The following CLDN14 variants were observed in gnomAD, a reference collection of about 807,000 sequenced individuals.
CLDN14 encodes claudin-14.
A neutral mutation model predicts 2.1 loss-of-function variants in CLDN14; 2 were observed. That is an observed-to-expected ratio of 0.96 (90% CI 0.39 to 3.01). CLDN14 has a LOEUF of 3.01. Among genes scored for constraint, CLDN14 ranks in the 30% most tolerant of loss-of-function variants. The pLI, the probability that CLDN14 is intolerant of heterozygous loss-of-function variation, is 0.09. For synonymous variants in CLDN14, 136 were observed against 154.4 expected, an observed-to-expected ratio of 0.88 and a Z score of 0.88; for missense variants, 298 against 328.0, an observed-to-expected ratio of 0.91 and a Z score of 0.71.
intron 1 of CLDN14, among the ~76,000 whole-genome samples, chr21:36,477,008 G>T (rs1013207720): frequency 2.6e-5 from 4 of 152,256 alleles, no homozygotes; most frequent in African/African-American, 9.6e-5. Context: ...TTGTGCATTT[G>T]CTCTGAAGAG....
chr21:36,469,198 A>T (rs2086681617), intron 1 of CLDN14, among the ~76,000 whole-genome samples: 1 of 152,272 alleles, frequency 6.6e-6, no homozygotes, highest in Admixed American at 6.5e-5. Flanking sequence ...ATATGTAAGA[A>T]TGATGAGAAA....
chr21:36,496,623 G>C (rs568392791), intron 2 of CLDN14, among the ~76,000 whole-genome samples: 1 of 144,816 alleles, frequency 6.9e-6, no homozygotes, highest in African/African-American at 2.6e-5. Context: ...GAGAGCGAAT[G>C]CTTGCAAATC....
chr21:36,484,865 G>A (rs142515371), upstream of CLDN14, among the ~76,000 whole-genome samples: 103 of 151,348 alleles, frequency 6.8e-4, no homozygotes, highest in Middle Eastern at 0.01. Flanking sequence ...GGCATGCACC[G>A]CCATGCCTGG....
intron 1 of CLDN14, among the ~76,000 whole-genome samples, chr21:36,575,642 C>T (rs142170491): frequency 2.0e-5 from 3 of 152,270 alleles, no homozygotes; most frequent in Non-Finnish European, 2.9e-5. Flanking sequence ...GTACAGTGCT[C>T]GCATGAAACA....
In CLDN14 at chr21:36,499,752, C is replaced by T. The variant is rs562028900; in HGVS notation, c.-82+10611G>A. On this transcript the variant is annotated intron_variant, in intron 2 of 2. Coordinates refer to the CLDN14 transcript ENST00000342108. This position sits in a 1 kb window ranked among gnomAD's most constrained non-coding sequence, Gnocchi z 4.7. Reference sequence around the variant, plus strand: ...ACAGAGCCAAAGACAAATCGAGTGACGTATTCTAGCTCATGGAGCCAGCTG... The same window carrying T: ...ACAGAGCCAAAGACAAATCGAGTGATGTATTCTAGCTCATGGAGCCAGCTG... Among the ~76,000 whole-genome samples, 9 of 152,246 alleles carry T rather than the reference C, an allele frequency of 5.9e-5. No individual in the cohort carries two copies. Among genetic ancestry groups the T allele is most frequent in the East Asian group, 5.8e-4 (3 of 5,166 alleles).
chr21:36,559,940 TATC>T (rs1190721827), intron 1 of CLDN14, among the ~76,000 whole-genome samples: 3 of 152,208 alleles, frequency 2.0e-5, no homozygotes, highest in South Asian at 2.1e-4. Flanking sequence ...ATTTCTGAAA[TATC>T]ATACCATTAT....
chr21:36,490,949 G>GACAGACACAC (rs775319552), intron 2 of CLDN14, among the ~76,000 whole-genome samples: 104 of 148,858 alleles, frequency 7.0e-4, no homozygotes, highest in African/African-American at 2.2e-3. Context: ...CAAGTGCACA[G>GACAGACACAC]ACACACACAC....
chr21:36,469,148 T>C (rs1180428253), intron 1 of CLDN14, among the ~76,000 whole-genome samples: 1 of 152,190 alleles, frequency 6.6e-6, no homozygotes, highest in African/African-American at 2.4e-5. Context: ...AGCTTAGGGA[T>C]ACTTTAGAGG....
intron 2 of CLDN14, among the ~76,000 whole-genome samples, chr21:36,494,084 C>A (rs1358064456): frequency 1.3e-5 from 2 of 152,160 alleles, no homozygotes. Flanking sequence ...ACTGGATTCG[C>A]AAAGAGCCCA....
At chr21:36,515,793 T>C (rs1371062324) in intron 1 of CLDN14, among the ~76,000 whole-genome samples, 1 of 133,000 alleles carries the variant, frequency 7.5e-6, no homozygotes, top group East Asian at 2.1e-4. Flanking sequence ...TCTTCTCTTT[T>C]TTTTTTTTTT....
intron 1 of CLDN14, among the ~76,000 whole-genome samples, chr21:36,571,336 G>C (rs538683694): frequency 6.6e-6 from 1 of 152,300 alleles, no homozygotes; most frequent in African/African-American, 2.4e-5. Flanking sequence ...TGTCATGTGT[G>C]GTTAACAGTA....
At chr21:36,466,025 C>T (rs1158177241) in intron 1 of CLDN14, among the ~76,000 whole-genome samples, 1 of 152,132 alleles carries the variant, frequency 6.6e-6, no homozygotes, top group East Asian at 1.9e-4. Flanking sequence ...TCTTGGAATG[C>T]TGCATTTGCA....
intron 1 of CLDN14, among the ~76,000 whole-genome samples, chr21:36,463,042 G>A (rs377296138): frequency 0.034 from 5,185 of 152,102 alleles, 294 homozygotes; most frequent in African/African-American, 0.12. Context: ...ACAGAGAAAG[G>A]AAGGAAAAAA....
At chr21:36,557,295 G>C (rs980000643) in intron 1 of CLDN14, among the ~76,000 whole-genome samples, 5 of 151,132 alleles carry the variant, frequency 3.3e-5, no homozygotes, top group Admixed American at 2.6e-4. Context: ...CATTATTTTG[G>C]ATAAATAATA....
chr21:36,476,269 G>T (rs561669971), intron 1 of CLDN14, among the ~76,000 whole-genome samples: 6 of 152,010 alleles, frequency 3.9e-5, no homozygotes, highest in Non-Finnish European at 8.8e-5. Flanking sequence ...AAAGTGGTTG[G>T]GGGGGTGGTT....
In CLDN14 at chr21:36,499,825, C is replaced by T. The variant is rs1357157951; in HGVS notation, c.-82+10538G>A. ...TGCTCCTTAGATGATCAATGCTGCC[C>T]CCAGGGCTGCTGTCATCTCCTGATG... is the stretch of plus-strand genomic sequence containing the variant. On this transcript the variant is annotated intron_variant, in intron 2 of 2. Coordinates refer to the CLDN14 transcript ENST00000342108. The surrounding 1 kb of genome is among the most constrained non-coding windows in gnomAD (Gnocchi z 4.7). Among the ~76,000 whole-genome samples, 2 of 151,984 alleles carry T rather than the reference C, an allele frequency of 1.3e-5. No individual in the cohort carries two copies. The highest frequency in any genetic ancestry group is 2.9e-5 in the Non-Finnish European group (2 of 68,024).
chr21:36,548,517 C>G (rs1386985607), intron 1 of CLDN14, among the ~76,000 whole-genome samples: 2 of 152,202 alleles, frequency 1.3e-5, no homozygotes, highest in Non-Finnish European at 2.9e-5. Context: ...CTCAGGGGAG[C>G]AGAAGGGTCT....
chr21:36,483,649 T>C (rs1022703413), upstream of CLDN14, among the ~76,000 whole-genome samples: 7 of 152,150 alleles, frequency 4.6e-5, no homozygotes, highest in Non-Finnish European at 1.0e-4. Flanking sequence ...AAAAGAACGG[T>C]GAGCCCAGGT....
chr21:36,511,072 T>C (rs1215323805), intron 1 of CLDN14, among the ~76,000 whole-genome samples: 3 of 152,162 alleles, frequency 2.0e-5, no homozygotes, highest in Non-Finnish European at 2.9e-5. Flanking sequence ...AGTTCTCCGA[T>C]GGTCATGGCT....
Sources: gnomAD v4.1 joint callset for allele counts (sites outside exome capture counted in the v4.1 genomes callset) on GRCh38, gnomAD v4.1.1 for gene constraint, Gnocchi (gnomAD v3.1) non-coding constraint, MANE v1.5 for transcripts, NCBI Gene and HGNC (gene_info 2026-07-23, HGNC 2026-07-21) for gene names.